Variants in NXPE2 observed in about 807,000 individuals in gnomAD.
NXPE2 encodes the protein NXPE family member 2.
Under a neutral mutation model 34.4 loss-of-function variants are expected in NXPE2, and 34 were observed. That is an observed-to-expected ratio of 0.99 (90% CI 0.75 to 1.31). NXPE2 has a LOEUF of 1.31. NXPE2 is among the 40% of genes most tolerant of loss of function. The probability of loss-of-function intolerance (pLI) is 0.00; values close to 1 mark genes in which losing one functional copy is unlikely to be tolerated. For synonymous variants in NXPE2, 235 were observed against 231.3 expected, an observed-to-expected ratio of 1.02 and a Z score of -0.15; for missense variants, 649 against 672.5, an observed-to-expected ratio of 0.97 and a Z score of 0.39.
the NXPE2 span, among the ~76,000 whole-genome samples, chr11:114,725,976 A>AAATATAT: frequency 7.0e-3 from 711 of 101,762 alleles, 12 homozygotes; most frequent in African/African-American, 0.017. Flanking sequence ...ATAAAAAAAA[A>AAATATAT]ATATATATAT....
rs759677727 is a variant in NXPE2 at position 114,698,684 on chromosome 11, C to T, written c.772C>T (p.Pro258Ser). The change falls in exon 3 of 6, where the codon CCT (proline) becomes TCT (serine). Residue 258 changes from proline to serine, a missense_variant. By Grantham distance (74) the Pro-to-Ser change is moderately conservative. Coordinates refer to ENST00000389586, the MANE Select transcript of NXPE2 (RefSeq NM_182495.6). ...CCAAGAAGCCTTCTACTGTGTGAGG[C>T]CTCAACATATGCCCTGTGAGGCCTT... ...RDQEAFYCVR[P>S]QHMPCEALTH... 6.2e-7 allele frequency: 1 copy of T among 1,614,110 alleles called. No individual in the cohort carries two copies. Among genetic ancestry groups the T allele is most frequent in the East Asian group, 2.2e-5 (1 of 44,878 alleles).
the NXPE2 span, among the ~76,000 whole-genome samples, chr11:114,473,271 GA>G: frequency 6.6e-6 from 1 of 152,126 alleles, no homozygotes; most frequent in Non-Finnish European, 1.5e-5. Flanking sequence ...TCCTTTTTGA[GA>G]ATAAGTTCTT....
At chr11:114,609,576 T>G in the NXPE2 span, among the ~76,000 whole-genome samples, 3 of 151,446 alleles carry the variant, frequency 2.0e-5, no homozygotes, top group African/African-American at 7.3e-5. Context: ...GGGTAACCAC[T>G]GTTACCATGT....
At chr11:114,704,135 T>C (rs927359336) in intron 4 of NXPE2, 83 bp downstream of exon 4, 3 of 1,016,622 alleles carry the variant, frequency 3.0e-6, no homozygotes, top group Non-Finnish European at 4.4e-6. Context: ...TTATTCCACA[T>C]TAACGATTTG....
At chr11:114,749,208 C>G in the NXPE2 span, among the ~76,000 whole-genome samples, 1 of 152,148 alleles carries the variant, frequency 6.6e-6, no homozygotes, top group Non-Finnish European at 1.5e-5. Flanking sequence ...TAGGCTCTAT[C>G]AGGGGAGAGT....
chr11:114,585,396 T>A, the NXPE2 span, among the ~76,000 whole-genome samples: 1 of 152,082 alleles, frequency 6.6e-6, no homozygotes, highest in Non-Finnish European at 1.5e-5. Context: ...TCACTTCAGC[T>A]TTAAGGACAC....
At chr11:114,468,425 G>A in the NXPE2 span, among the ~76,000 whole-genome samples, 1 of 152,204 alleles carries the variant, frequency 6.6e-6, no homozygotes, top group Non-Finnish European at 1.5e-5. Context: ...TGGTGCAGTG[G>A]CTAGTGGCCC....
At chr11:114,512,327 T>C in the NXPE2 span, among the ~76,000 whole-genome samples, 6,690 of 152,226 alleles carry the variant, frequency 0.044, 518 homozygotes, top group African/African-American at 0.15. Context: ...ACTTTCCCCC[T>C]GTCTAATTCC....
chr11:114,572,229 A>G, the NXPE2 span, among the ~76,000 whole-genome samples: 1 of 152,128 alleles, frequency 6.6e-6, no homozygotes, highest in Admixed American at 6.5e-5. Flanking sequence ...CAGCCCTTGA[A>G]TCCCAGATCT....
the NXPE2 span, among the ~76,000 whole-genome samples, chr11:114,794,075 C>T: frequency 1.6e-4 from 25 of 152,256 alleles, no homozygotes; most frequent in African/African-American, 4.8e-4. Context: ...CGTGATCCCC[C>T]CATACATGTG....
chr11:114,737,337 T>C, the NXPE2 span, among the ~76,000 whole-genome samples: 48 of 152,190 alleles, frequency 3.2e-4, no homozygotes, highest in Non-Finnish European at 5.6e-4. Context: ...CCACAGAGAT[T>C]GGGGTAGAGA....
the NXPE2 span, among the ~76,000 whole-genome samples, chr11:114,604,506 G>C: frequency 9.2e-5 from 14 of 152,062 alleles, no homozygotes; most frequent in African/African-American, 3.1e-4. Flanking sequence ...GTTGCCTCTT[G>C]GGTAACCACT....
chr11:114,761,066 G>A, the NXPE2 span, among the ~76,000 whole-genome samples: 72 of 152,216 alleles, frequency 4.7e-4, no homozygotes, highest in African/African-American at 1.7e-3. Context: ...GGACTCCTAC[G>A]GTGCATTGTC....
At chr11:114,705,744 A>G in intron 4 of NXPE2, 37 bp from the exon 5 acceptor site, 2 of 1,265,644 alleles carry the variant, frequency 1.6e-6, no homozygotes, top group Non-Finnish European at 2.1e-6. Context: ...AATTTGTGGT[A>G]ATAAAAATTA....
the NXPE2 span, among the ~76,000 whole-genome samples, chr11:114,475,936 C>G: frequency 6.6e-6 from 1 of 152,184 alleles, no homozygotes; most frequent in Non-Finnish European, 1.5e-5. Context: ...CACCAACAGA[C>G]TTGGGAAGAA....
At chr11:114,530,911 G>A in the NXPE2 span, 1 of 1,599,136 alleles carries the variant, frequency 6.3e-7, no homozygotes, top group Non-Finnish European at 8.5e-7. Context: ...GACCAAAGCT[G>A]AAATGACAAG....
chr11:114,571,273 A>T, the NXPE2 span: 7 of 1,613,954 alleles, frequency 4.3e-6, no homozygotes, highest in Non-Finnish European at 5.9e-6. Context: ...TGGCCCAGGG[A>T]AATAACAATG....
chr11:114,530,286 G>A, the NXPE2 span: 1 of 1,614,156 alleles, frequency 6.2e-7, no homozygotes, highest in African/African-American at 1.3e-5. Flanking sequence ...ACAATAGAAG[G>A]CTTCTTGGTC....
the NXPE2 span, among the ~76,000 whole-genome samples, chr11:114,712,916 C>A: frequency 6.6e-6 from 1 of 152,164 alleles, no homozygotes; most frequent in Non-Finnish European, 1.5e-5. Context: ...GAAAATGTGG[C>A]ATATACATAC....
Sources: gnomAD v4.1 joint callset for allele counts (sites outside exome capture counted in the v4.1 genomes callset) on GRCh38, gnomAD v4.1.1 for gene constraint, MANE v1.5 for transcripts, NCBI Gene and HGNC (gene_info 2026-07-23, HGNC 2026-07-21) for gene names.